The following SKIC3 variants were observed in gnomAD, a reference collection of about 807,000 sequenced individuals.
The protein encoded by SKIC3 is SKI3 subunit of superkiller complex, also known as superkiller complex protein 3.
the SKIC3 span, among the ~76,000 whole-genome samples, chr5:95,478,015 T>C: frequency 1.3e-5 from 2 of 152,194 alleles, no homozygotes; most frequent in Non-Finnish European, 2.9e-5. Context: ...ATACAATTTG[T>C]TTCACCAAGA....
At chr5:95,503,039 A>G in the SKIC3 span, 3 of 1,612,508 alleles carry the variant, frequency 1.9e-6, no homozygotes, top group African/African-American at 4.0e-5. Flanking sequence ...AAAACAATAT[A>G]AAAGCCATCC....
At chr5:95,544,205 C>T in the SKIC3 span, among the ~76,000 whole-genome samples, 1 of 152,072 alleles carries the variant, frequency 6.6e-6, no homozygotes, top group African/African-American at 2.4e-5. Flanking sequence ...GTAAAGGGAG[C>T]ACCAGGGGGA....
chr5:95,529,172 A>G, the SKIC3 span: 2 of 1,325,512 alleles, frequency 1.5e-6, no homozygotes, highest in Non-Finnish European at 2.2e-6. Context: ...ACCAATGCCT[A>G]CTCTCCAAAT....
chr5:95,522,972 T>C, the SKIC3 span, among the ~76,000 whole-genome samples: 3 of 152,166 alleles, frequency 2.0e-5, no homozygotes, highest in Non-Finnish European at 2.9e-5. Flanking sequence ...CTACTATACA[T>C]ATGTATTAAG....
chr5:95,545,312 C>T, the SKIC3 span, among the ~76,000 whole-genome samples: 5 of 152,118 alleles, frequency 3.3e-5, no homozygotes, highest in East Asian at 1.9e-4. Context: ...GTCCTTGCAT[C>T]CCTGCTGGGC....
At chr5:95,480,448 A>AG in the SKIC3 span, among the ~76,000 whole-genome samples, 1 of 152,178 alleles carries the variant, frequency 6.6e-6, no homozygotes, top group African/African-American at 2.4e-5. Flanking sequence ...AAGCATACGA[A>AG]AAGTTGTTTG....
the SKIC3 span, among the ~76,000 whole-genome samples, chr5:95,535,618 C>T: frequency 6.6e-5 from 10 of 151,068 alleles, no homozygotes; most frequent in East Asian, 2.0e-3. Context: ...CCAGTAACAG[C>T]ATTTTTTAAT....
the SKIC3 span, chr5:95,497,540 A>G: frequency 1.5e-6 from 2 of 1,359,952 alleles, no homozygotes; most frequent in Non-Finnish European, 2.1e-6. Context: ...TAACCACAAA[A>G]TGTACAAGCA....
At chr5:95,545,171 A>C in the SKIC3 span, among the ~76,000 whole-genome samples, 2 of 152,132 alleles carry the variant, frequency 1.3e-5, no homozygotes, top group Non-Finnish European at 2.9e-5. Flanking sequence ...ATATAACTGA[A>C]ACGTGCATCA....
chr5:95,466,895 T>TA, the SKIC3 span, among the ~76,000 whole-genome samples: 9 of 152,248 alleles, frequency 5.9e-5, no homozygotes, highest in East Asian at 1.5e-3. Flanking sequence ...CCAATGTTTA[T>TA]AAAAAACTGG....
chr5:95,484,834 T>G, the SKIC3 span: 1 of 1,614,062 alleles, frequency 6.2e-7, no homozygotes, highest in Non-Finnish European at 8.5e-7. Context: ...TCAAAGAATT[T>G]TTCGTCTTTA....
chr5:95,552,763 TG>T, the SKIC3 span, among the ~76,000 whole-genome samples: 1 of 151,988 alleles, frequency 6.6e-6, no homozygotes, highest in East Asian at 1.9e-4. Context: ...ATAGAATTAC[TG>T]ATTAGCAAAA....
chr5:95,511,063 A>G, the SKIC3 span, among the ~76,000 whole-genome samples: 3 of 152,230 alleles, frequency 2.0e-5, no homozygotes, highest in African/African-American at 4.8e-5. Context: ...AGTCAAAGTT[A>G]TTCTTGAAAA....
the SKIC3 span, among the ~76,000 whole-genome samples, chr5:95,486,198 A>T: frequency 6.6e-6 from 1 of 152,148 alleles, no homozygotes; most frequent in African/African-American, 2.4e-5. Flanking sequence ...GTGTCTTGCC[A>T]TGCAGCCCAA....
the SKIC3 span, chr5:95,484,982 C>A: frequency 5.6e-6 from 5 of 887,228 alleles, no homozygotes; most frequent in Non-Finnish European, 9.0e-6. Flanking sequence ...GCCACATGTA[C>A]CATAGACTAT....
the SKIC3 span, among the ~76,000 whole-genome samples, chr5:95,518,148 T>C: frequency 6.6e-6 from 1 of 152,110 alleles, no homozygotes; most frequent in Non-Finnish European, 1.5e-5. Flanking sequence ...ATACCAAATA[T>C]ATTTGGTAAG....
the SKIC3 span, chr5:95,529,158 C>A: frequency 2.8e-6 from 4 of 1,440,112 alleles, no homozygotes; most frequent in Non-Finnish European, 3.9e-6. Flanking sequence ...CATAGATGAA[C>A]AGCACCAATG....
At chr5:95,537,491 T>C in the SKIC3 span, among the ~76,000 whole-genome samples, 1 of 152,196 alleles carries the variant, frequency 6.6e-6, no homozygotes, top group African/African-American at 2.4e-5. Context: ...TTTAAAACAA[T>C]TCTGAAATCA....
chr5:95,494,802 G>C, the SKIC3 span: 13 of 1,613,230 alleles, frequency 8.1e-6, no homozygotes, highest in South Asian at 2.2e-5. Context: ...TTCTAAATAA[G>C]AGAAAAGATG....
Sources: allele counts gnomAD v4.1 joint callset (sites outside exome capture counted in the v4.1 genomes callset), GRCh38; gene constraint gnomAD v4.1.1; transcripts MANE v1.5; gene names NCBI Gene and HGNC (gene_info 2026-07-23, HGNC 2026-07-21).